Variants in STK10 observed in about 807,000 individuals in gnomAD.
STK10 encodes serine/threonine-protein kinase 10.
Under a neutral mutation model 113.8 loss-of-function variants are expected in STK10, and 78 were observed. The ratio of observed to expected loss-of-function variants is 0.69; its 90% confidence interval spans 0.57 to 0.83. The LOEUF is 0.83. Among genes scored for constraint, STK10 ranks in the 40% least tolerant of loss-of-function variants. The pLI, the probability that STK10 is intolerant of heterozygous loss-of-function variation, is 0.00. For missense variants in STK10, 1,109 were observed against 1,280.1 expected (o/e 0.87, Z 2.04); for synonymous variants, 465 against 494.7 (o/e 0.94, Z 0.80).
rs912107280 is a variant in STK10 at position 172,173,976 on chromosome 5, A to G, written c.156+13911T>C. On this transcript the variant is annotated intron_variant, in intron 1 of 18. Coordinates refer to ENST00000176763, the MANE Select transcript of STK10 (RefSeq NM_005990.4). Reference sequence around the variant, plus strand: ...GGTGAGGTGACTTGCCCAAAGTCACACAGCCAACAGGCAGGGAAGCTAGGA... The same window carrying G: ...GGTGAGGTGACTTGCCCAAAGTCACGCAGCCAACAGGCAGGGAAGCTAGGA... Among the ~76,000 whole-genome samples, 13 of 152,206 alleles carry G rather than the reference A, an allele frequency of 8.5e-5. No individual in the cohort carries two copies. In the South Asian group the frequency reaches 2.5e-3, roughly 29 times the overall value.
In STK10 at chr5:172,042,185, TTCTA is replaced by T. The variant is rs1767387718; in HGVS notation, c.*2693_*2696del. 6.6e-6 allele frequency: 1 copy of T among 152,606 alleles called. No homozygotes were observed. The highest frequency in any genetic ancestry group is 2.4e-5 in the African/African-American group (1 of 41,424). 9.5% of individuals were successfully genotyped at this position (152,606 alleles called of 1,614,324 possible). A position where few individuals can be genotyped will look rare whatever the true frequency, so the allele number is the denominator to read the frequency against. ...AGTCTGGAAACTACATAAAAATAAT[TTCTA>T]TCTTTCATAAAGGGAAAATAAAAGT... On this transcript the variant is annotated 3_prime_UTR_variant, in exon 19 of 19. Transcript: ENST00000176763.
intron 1 of STK10, among the ~76,000 whole-genome samples, chr5:172,169,498 G>A (rs892312090): frequency 1.3e-5 from 2 of 151,056 alleles, no homozygotes; most frequent in Admixed American, 1.3e-4. Context: ...TGGGTGGGCA[G>A]AAGAATGGGA....
intron 2 of STK10, among the ~76,000 whole-genome samples, chr5:172,145,304 C>G (rs1458702670): frequency 6.6e-6 from 1 of 152,208 alleles, no homozygotes; most frequent in East Asian, 1.9e-4. Context: ...GATGGACTCA[C>G]AAATCCCAGG....
Position 172,120,507 on chromosome 5 carries a change from C to T in STK10, c.371-2877G>A, listed in dbSNP as rs1387012110. On this transcript the variant is annotated intron_variant, in intron 3 of 18. Transcript: ENST00000176763. This position sits in a 1 kb window ranked among gnomAD's most constrained non-coding sequence, Gnocchi z 4.0. ...GAACCTCTGTGTCTCCAGCCAGGGG[C>T]CAGGATCAGAGCCTGCATGGGCTTC... Among the ~76,000 whole-genome samples, 7 of 152,184 alleles carry T rather than the reference C, an allele frequency of 4.6e-5. No homozygotes were observed. Among genetic ancestry groups the T allele is most frequent in the Non-Finnish European group, 1.5e-5 (1 of 68,034 alleles).
intron 10 of STK10, among the ~76,000 whole-genome samples, chr5:172,089,874 T>C (rs988524040): frequency 6.6e-6 from 1 of 151,268 alleles, no homozygotes; most frequent in African/African-American, 2.4e-5. Context: ...AGTAGATAGG[T>C]AGATGAATGG....
intron 2 of STK10, among the ~76,000 whole-genome samples, chr5:172,153,309 A>AG (rs1335980540): frequency 4.7e-5 from 7 of 149,042 alleles, no homozygotes; most frequent in African/African-American, 1.8e-4. Context: ...AGAAAGAAAG[A>AG]AAGAAAGAAA....
Position 172,187,614 on chromosome 5 carries a change from G to A in STK10, c.156+273C>T, listed in dbSNP as rs528135000. On this transcript the variant is annotated intron_variant, in intron 1 of 18. Transcript: ENST00000176763. The surrounding 1 kb of genome is among the most constrained non-coding windows in gnomAD (Gnocchi z 4.6). Reference sequence around the variant, plus strand: ...CCTTTGTCTCCCCGTGCGGCGCCGAGCGCAGTGCAGGACACACAGGAAGTG... The same window carrying A: ...CCTTTGTCTCCCCGTGCGGCGCCGAACGCAGTGCAGGACACACAGGAAGTG... Among the ~76,000 whole-genome samples the A allele has an allele frequency of 2.0e-5, 3 of 152,362 alleles. No individual in the cohort carries two copies. The highest frequency in any genetic ancestry group is 7.2e-5 in the African/African-American group (3 of 41,590).
chr5:172,125,207 G>C (rs1769594395), intron 3 of STK10, among the ~76,000 whole-genome samples: 4 of 152,152 alleles, frequency 2.6e-5, no homozygotes, highest in Non-Finnish European at 4.4e-5. Flanking sequence ...ATATGCCCTA[G>C]TGACCCACTG....
intron 13 of STK10, among the ~76,000 whole-genome samples, chr5:172,061,953 T>C (rs996068283): frequency 6.6e-6 from 1 of 152,058 alleles, no homozygotes; most frequent in Admixed American, 6.6e-5. Context: ...TAGTTCATTA[T>C]ACCTATTCCC....
In STK10 at chr5:172,082,303, GCC is replaced by G. The variant is rs769443032; in HGVS notation, c.1989+21_1989+22del. On this transcript the variant is annotated intron_variant, in intron 12 of 18. Coordinates refer to ENST00000176763, the MANE Select transcript of STK10 (RefSeq NM_005990.4). The surrounding 1 kb of genome is among the most constrained non-coding windows in gnomAD (Gnocchi z 4.3). ...GCCCCTAATACTCCGAGATGCCCCT[GCC>G]CCCACTGAGCACATACTCACCTCTT... is the stretch of plus-strand genomic sequence containing the variant. 1 of 1,499,636 alleles carries G rather than the reference GCC, an allele frequency of 6.7e-7. No homozygotes were observed. The highest frequency in any genetic ancestry group is 2.4e-5 in the Admixed American group (1 of 42,480). The allele number at this position is 1,499,636 out of a possible 1,614,324, so 92.9% of individuals were successfully genotyped here. A position where few individuals can be genotyped will look rare whatever the true frequency, so the allele number is the denominator to read the frequency against.
At chr5:172,080,366 G>A (rs78906177) in intron 12 of STK10, among the ~76,000 whole-genome samples, 6,932 of 152,272 alleles carry the variant, frequency 0.046, 557 homozygotes, top group African/African-American at 0.16. Flanking sequence ...AGCAGGAGTT[G>A]CGTGTCTCTC....
At chr5:172,065,145 A>T (rs1003767724) in intron 12 of STK10, among the ~76,000 whole-genome samples, 13 of 152,188 alleles carry the variant, frequency 8.5e-5, no homozygotes, top group Admixed American at 3.9e-4. Flanking sequence ...TACAGTCCCT[A>T]CAGAAGTTCT....
At position 172,064,701 on chromosome 5, in the gene STK10, G is replaced by A. The variant is rs1768027344; in HGVS notation, c.2082+19C>T. 6.2e-7 allele frequency: 1 copy of A among 1,613,278 alleles called. No individual in the cohort carries two copies. Among genetic ancestry groups the A allele is most frequent in the African/African-American group, 1.3e-5 (1 of 74,898 alleles). ...CTCGCACCAGCCCCTGCGCTCCCCA[G>A]CTGAGGCCAGGGACTCACAAGAAGC... On this transcript the variant is annotated intron_variant, in intron 13 of 18. Transcript: ENST00000176763.
At chr5:172,057,794 A>C (rs1210664385) in intron 14 of STK10, among the ~76,000 whole-genome samples, 4 of 152,202 alleles carry the variant, frequency 2.6e-5, no homozygotes, top group Non-Finnish European at 5.9e-5. Context: ...GAGGTTCTCT[A>C]GGCATCAGCT....
chr5:172,105,352 C>T (rs1284777724), intron 7 of STK10, among the ~76,000 whole-genome samples: 1 of 152,084 alleles, frequency 6.6e-6, no homozygotes, highest in Non-Finnish European at 1.5e-5. Context: ...CCCACCCCTG[C>T]ACTGTGGATC....
chr5:172,093,387 C>G lies in STK10; in HGVS notation c.1554+25G>C. ...CATCCTGCAATGGTCTTGCTGCAAG[C>G]CCGTGGTGGCAGAGGCGGTGTTACC... On this transcript the variant is annotated intron_variant, in intron 9 of 18. Transcript: ENST00000176763. This position sits in a 1 kb window ranked among gnomAD's most constrained non-coding sequence, Gnocchi z 4.1. The G allele has an allele frequency of 6.4e-7, 1 of 1,562,916 alleles. No homozygotes were observed. The highest frequency in any genetic ancestry group is 8.7e-7 in the Non-Finnish European group (1 of 1,149,594).
rs1770980724 is a variant in STK10 at position 172,187,724 on chromosome 5, T to C, written c.156+163A>G. Among the ~76,000 whole-genome samples, 1 of 152,098 alleles carries C rather than the reference T, an allele frequency of 6.6e-6. No individual in the cohort carries two copies. The highest frequency in any genetic ancestry group is 1.5e-5 in the Non-Finnish European group (1 of 67,994). On this transcript the variant is annotated intron_variant, in intron 1 of 18. Transcript: ENST00000176763. The surrounding 1 kb of genome is among the most constrained non-coding windows in gnomAD (Gnocchi z 4.6). ...AGGGACTCGGCCGGGCCGAGTGATGTTCCCCCCAAAAAACAAGAGTCATCG... is the reference window on the plus strand; with the variant it reads ...AGGGACTCGGCCGGGCCGAGTGATGCTCCCCCCAAAAAACAAGAGTCATCG...
intron 4 of STK10, among the ~76,000 whole-genome samples, chr5:172,110,111 G>C (rs970942914): frequency 2.0e-5 from 3 of 152,202 alleles, no homozygotes; most frequent in African/African-American, 7.2e-5. Flanking sequence ...GACACTAGCC[G>C]GGATCAGAGA....
In STK10 at chr5:172,082,297, G is replaced by A. The variant is rs1162521800; in HGVS notation, c.1989+29C>T. 2.0e-6 allele frequency: 3 copies of A among 1,482,402 alleles called. No individual in the cohort carries two copies. The highest frequency in any genetic ancestry group is 1.8e-6 in the Non-Finnish European group (2 of 1,114,626). 91.8% of individuals were successfully genotyped at this position (1,482,402 alleles called of 1,614,324 possible). ...AAGAAGGCCCCTAATACTCCGAGAT[G>A]CCCCTGCCCCCACTGAGCACATACT... On this transcript the variant is annotated intron_variant, in intron 12 of 18. Transcript: ENST00000176763. This position sits in a 1 kb window ranked among gnomAD's most constrained non-coding sequence, Gnocchi z 4.3.
Sources: allele counts gnomAD v4.1 joint callset (sites outside exome capture counted in the v4.1 genomes callset), GRCh38; gene constraint gnomAD v4.1.1; non-coding constraint Gnocchi (gnomAD v3.1); transcripts MANE v1.5; gene names NCBI Gene and HGNC (gene_info 2026-07-23, HGNC 2026-07-21).